Variants in ZFYVE28 observed in about 807,000 individuals in gnomAD.
The protein encoded by ZFYVE28 is lateral signaling target protein 2 homolog.
A neutral mutation model predicts 82.1 loss-of-function variants in ZFYVE28; 40 were observed. The ratio of observed to expected loss-of-function variants is 0.49; its 90% CI spans 0.38 to 0.63. ZFYVE28 has a LOEUF of 0.63. ZFYVE28 is among the 30% of genes least tolerant of loss of function. The pLI is 0.00. For missense variants in ZFYVE28, 1,321 were observed against 1,242.1 expected (o/e 1.06, Z -0.96); for synonymous variants, 612 against 546.1 (o/e 1.12, Z -1.68).
chr4:2,365,008 G>T, intron 1 of ZFYVE28: 14 of 600,438 alleles, frequency 2.3e-5, no homozygotes, highest in Non-Finnish European at 2.9e-5. Context: ...CTAGGCGTCA[G>T]GCCCCGCACG....
chr4:2,273,306 A>T lies in ZFYVE28; in HGVS notation c.2207-17T>A. ...CAGCCACACCTGAGGAAGGAAGGCC[A>T]CAGTAACCACGACAGAAGGACGGAT... On this transcript the variant is annotated splice_polypyrimidine_tract_variant and intron_variant, in intron 9 of 12. Coordinates refer to ENST00000290974, the MANE Select transcript of ZFYVE28 (RefSeq NM_020972.3). The T allele has an allele frequency of 3.1e-6, 5 of 1,603,466 alleles. No individual in the cohort carries two copies. Among genetic ancestry groups the T allele is most frequent in the Non-Finnish European group, 4.3e-6 (5 of 1,175,172 alleles).
In ZFYVE28 at chr4:2,274,123, C is replaced by G. The variant is rs574808089; in HGVS notation, c.2145G>C (p.Lys715Asn). The change falls in exon 9 of 13, where the codon AAG becomes AAC. Residue 715 changes from lysine (K) to asparagine (N), a missense_variant. Physicochemically the swap from Lys to Asn is moderately conservative, Grantham distance 94. Transcript: ENST00000290974. ...GGCTGCCGTGGAACCTGGACCGGATCTTCTCTCTTGTGGCCTGTGGGGCAG... is the reference window on the plus strand; with the variant it reads ...GGCTGCCGTGGAACCTGGACCGGATGTTCTCTCTTGTGGCCTGTGGGGCAG... ...THAAPQATRE[K>N]IRSRFHGSHD... is the part of the protein sequence containing the mutation. 6.2e-7 allele frequency: 1 copy of G among 1,613,662 alleles called. No individual in the cohort carries two copies. The highest frequency in any genetic ancestry group is 1.1e-5 in the South Asian group (1 of 91,072).
chr4:2,407,390 T>A (rs1376716581), intron 1 of ZFYVE28, among the ~76,000 whole-genome samples: 2 of 151,872 alleles, frequency 1.3e-5, no homozygotes, highest in African/African-American at 2.4e-5. Context: ...GAGGCCCCTG[T>A]GAGGTTGCAG....
At chr4:2,325,789 C>G (rs1719778159) in intron 6 of ZFYVE28, among the ~76,000 whole-genome samples, 1 of 151,954 alleles carries the variant, frequency 6.6e-6, no homozygotes, top group Admixed American at 6.6e-5. Flanking sequence ...GATGAGGTTT[C>G]ACTATGTTGC....
At chr4:2,371,559 G>A (rs1277578334) in intron 1 of ZFYVE28, among the ~76,000 whole-genome samples, 1 of 152,146 alleles carries the variant, frequency 6.6e-6, no homozygotes, top group East Asian at 1.9e-4. Flanking sequence ...CATATGGCAG[G>A]AAAAAGCCAA....
At chr4:2,380,906 G>T (rs79274399) in intron 1 of ZFYVE28, among the ~76,000 whole-genome samples, 1 of 152,114 alleles carries the variant, frequency 6.6e-6, no homozygotes, top group Non-Finnish European at 1.5e-5. Context: ...TTATCAGCAG[G>T]GTGAAAATGG....
intron 1 of ZFYVE28, among the ~76,000 whole-genome samples, chr4:2,380,519 T>C (rs1728621839): frequency 6.6e-6 from 1 of 152,222 alleles, no homozygotes. Flanking sequence ...AGAAACCACC[T>C]GGTTTGAAGG....
intron 8 of ZFYVE28, among the ~76,000 whole-genome samples, chr4:2,279,538 G>A (rs532481816): frequency 6.6e-6 from 1 of 152,182 alleles, no homozygotes; most frequent in Non-Finnish European, 1.5e-5. Context: ...CCAGCACTTT[G>A]GGAGGCCAAG....
intron 1 of ZFYVE28, among the ~76,000 whole-genome samples, chr4:2,383,507 A>G (rs1728938910): frequency 6.6e-6 from 1 of 152,228 alleles, no homozygotes; most frequent in Non-Finnish European, 1.5e-5. Flanking sequence ...TGTCTTTATC[A>G]GCAGCGTGAA....
intron 4 of ZFYVE28, 78 bp from the exon 5 acceptor site, chr4:2,337,574 C>A: frequency 1.9e-5 from 21 of 1,093,490 alleles, no homozygotes; most frequent in South Asian, 3.4e-5. Context: ...GGGGCATCTT[C>A]AATTAAAGCT....
At chr4:2,314,988 C>T (rs1052434918) in intron 7 of ZFYVE28, among the ~76,000 whole-genome samples, 7 of 152,148 alleles carry the variant, frequency 4.6e-5, no homozygotes, top group Non-Finnish European at 7.4e-5. Flanking sequence ...GTTGTCCAGG[C>T]TGGTCTCAAA....
intron 1 of ZFYVE28, among the ~76,000 whole-genome samples, chr4:2,396,479 TG>T (rs1560333814): frequency 2.3e-4 from 1 of 4,282 alleles, no homozygotes; most frequent in South Asian, 8.8e-3. Flanking sequence ...GGACACAAGG[TG>T]GGGGTGTCTG....
intron 1 of ZFYVE28, among the ~76,000 whole-genome samples, chr4:2,384,467 AG>A (rs1457909223): frequency 2.0e-5 from 3 of 152,224 alleles, no homozygotes; most frequent in African/African-American, 7.2e-5. Context: ...GAGGGGGCAC[AG>A]GCAGGCCACC....
chr4:2,359,415 C>A (rs1355797443), intron 1 of ZFYVE28, among the ~76,000 whole-genome samples: 1 of 152,200 alleles, frequency 6.6e-6, no homozygotes, highest in Non-Finnish European at 1.5e-5. Context: ...CATAAGCCAT[C>A]TAGCCCAGCC....
At chr4:2,354,975 T>C (rs13136672) in intron 1 of ZFYVE28, among the ~76,000 whole-genome samples, 16,609 of 150,966 alleles carry the variant, frequency 0.11, 974 homozygotes, top group African/African-American at 0.13. Context: ...CGCTCAGAGG[T>C]TCCCCTCCCA....
chr4:2,372,535 C>G lies in ZFYVE28; in HGVS notation c.40-18462G>C, dbSNP rs1727677153. Among the ~76,000 whole-genome samples the G allele has an allele frequency of 6.6e-6, 1 of 152,106 alleles. No individual in the cohort carries two copies. Among genetic ancestry groups the G allele is most frequent in the South Asian group, 2.1e-4 (1 of 4,816 alleles). ...CCTCCTAGCCCCTCCAGCACGGCAC[C>G]ATGCCCTATCACCCCATCATGTGGG... On this transcript the variant is annotated intron_variant, in intron 1 of 12. Transcript: ENST00000290974. This position sits in a 1 kb window ranked among gnomAD's most constrained non-coding sequence, Gnocchi z 5.2.
intron 1 of ZFYVE28, among the ~76,000 whole-genome samples, chr4:2,366,647 C>T (rs554725641): frequency 6.6e-6 from 1 of 152,360 alleles, no homozygotes; most frequent in East Asian, 1.9e-4. Flanking sequence ...TAGAGTTCCA[C>T]GCAGCTAGAG....
chr4:2,318,367 G>A (rs1718534052), intron 7 of ZFYVE28, among the ~76,000 whole-genome samples: 1 of 152,184 alleles, frequency 6.6e-6, no homozygotes, highest in Non-Finnish European at 1.5e-5. Flanking sequence ...AGACCAGCCT[G>A]ACCAGCATGG....
At position 2,339,438 on chromosome 4, in the gene ZFYVE28, C is replaced by T. The variant is rs778972500; in HGVS notation, c.521+15G>A. 6 of 1,612,142 alleles carry T rather than the reference C, an allele frequency of 3.7e-6. No individual in the cohort carries two copies. Among genetic ancestry groups the T allele is most frequent in the Non-Finnish European group, 5.1e-6 (6 of 1,179,310 alleles). On this transcript the variant is annotated intron_variant, in intron 4 of 12. Coordinates refer to ENST00000290974, the MANE Select transcript of ZFYVE28 (RefSeq NM_020972.3). The surrounding 1 kb of genome is among the most constrained non-coding windows in gnomAD (Gnocchi z 5.0). ...AGCTCATACAGCCAGGGCTGTGGAC[C>T]CACAGCTGCAGTACCTGAGCTCAAA...
Sources: gnomAD v4.1 joint callset for allele counts (sites outside exome capture counted in the v4.1 genomes callset) on GRCh38, gnomAD v4.1.1 for gene constraint, Gnocchi (gnomAD v3.1) non-coding constraint, MANE v1.5 for transcripts, NCBI Gene and HGNC (gene_info 2026-07-23, HGNC 2026-07-21) for gene names.